The following CBR4 variants were observed in gnomAD, a reference collection of about 807,000 sequenced individuals.
CBR4 encodes 3-oxoacyl-[acyl-carrier-protein] reductase.
In CBR4, 22 loss-of-function variants were observed where a neutral mutation model predicts 21.0. That is an observed-to-expected ratio of 1.05 (90% CI 0.75 to 1.50). The LOEUF is 1.50. CBR4 is among the 40% of genes most tolerant of loss of function. The probability of loss-of-function intolerance (pLI) is 0.00; values close to 1 mark genes in which losing one functional copy is unlikely to be tolerated. For synonymous variants in CBR4, 100 were observed against 104.4 expected, an observed-to-expected ratio of 0.96 and a Z score of 0.26; for missense variants, 302 against 286.3, an observed-to-expected ratio of 1.05 and a Z score of -0.40.
At chr4:168,915,380 A>C (rs1759890167) in intron 2 of CBR4, among the ~76,000 whole-genome samples, 1 of 152,250 alleles carries the variant, frequency 6.6e-6, no homozygotes, top group Non-Finnish European at 1.5e-5. Flanking sequence ...TAAAGCAAAA[A>C]ATAATGCCTC....
intron 2 of CBR4, among the ~76,000 whole-genome samples, chr4:168,921,902 A>C (rs764205789): frequency 5.3e-5 from 8 of 152,118 alleles, no homozygotes; most frequent in Non-Finnish European, 8.8e-5. Context: ...GGCCTAGCAA[A>C]ACAGAAACAG....
chr4:168,932,110 G>T (rs1762986060), intron 2 of CBR4, among the ~76,000 whole-genome samples: 1 of 152,064 alleles, frequency 6.6e-6, no homozygotes, highest in Non-Finnish European at 1.5e-5. Flanking sequence ...AAGGAAATAT[G>T]TGAAATGCCA....
At chr4:168,906,361 C>T (rs1163229086) in intron 2 of CBR4, among the ~76,000 whole-genome samples, 1 of 152,132 alleles carries the variant, frequency 6.6e-6, no homozygotes, top group East Asian at 1.9e-4. Flanking sequence ...TGCATTTTTA[C>T]ATGTGGAAAA....
chr4:168,969,943 A>AT (rs1241092635), intron 2 of CBR4, among the ~76,000 whole-genome samples: 20 of 152,146 alleles, frequency 1.3e-4, no homozygotes, highest in African/African-American at 4.8e-4. Flanking sequence ...CAGACTTATT[A>AT]ATTTTTGCCA....
chr4:168,940,594 G>GA lies in CBR4; in HGVS notation n.170-45830dup, dbSNP rs149661531. Among the ~76,000 whole-genome samples the GA allele has an allele frequency of 5.1e-3, 754 of 147,014 alleles. 6 individuals are homozygous for GA. Among genetic ancestry groups the GA allele is most frequent in the Admixed American group, 5.9e-3 (88 of 14,794 alleles). ...ACAAAGAACTTAAACAAATTTACAAGAAAAAAAAAACATCAAAAAGTGGGT... is the reference window on the plus strand; with the variant it reads ...ACAAAGAACTTAAACAAATTTACAAGAAAAAAAAAAACATCAAAAAGTGGGT... On this transcript the variant is annotated intron_variant and non_coding_transcript_variant, in intron 2 of 3. Coordinates refer to the CBR4 transcript ENST00000509108.
intron 2 of CBR4, among the ~76,000 whole-genome samples, chr4:168,937,112 C>G (rs567936835): frequency 1.3e-5 from 2 of 152,266 alleles, no homozygotes; most frequent in East Asian, 3.9e-4. Context: ...CAGCAGATCT[C>G]TCTGCAGAAA....
chr4:168,931,101 G>A (rs1035209065), intron 2 of CBR4, among the ~76,000 whole-genome samples: 3 of 152,164 alleles, frequency 2.0e-5, no homozygotes, highest in Non-Finnish European at 2.9e-5. Context: ...CTGCACAGCA[G>A]GAAAACCAAC....
chr4:168,986,316 A>G (rs1764690613), downstream of CBR4, among the ~76,000 whole-genome samples: 2 of 152,180 alleles, frequency 1.3e-5, no homozygotes, highest in Non-Finnish European at 2.9e-5. Flanking sequence ...ATCCCCAAAG[A>G]TACTGAGGGC....
intron 2 of CBR4, among the ~76,000 whole-genome samples, chr4:168,897,008 T>C (rs1755342630): frequency 6.6e-6 from 1 of 152,112 alleles, no homozygotes; most frequent in South Asian, 2.1e-4. Flanking sequence ...ATTTTGTATT[T>C]TTAGCAGAGA....
chr4:168,949,980 T>C (rs1763495313), intron 2 of CBR4, among the ~76,000 whole-genome samples: 1 of 152,224 alleles, frequency 6.6e-6, no homozygotes, highest in Non-Finnish European at 1.5e-5. Context: ...TCGTTTCTTA[T>C]TGAGGTTATT....
chr4:168,944,397 G>C (rs1763346977), intron 2 of CBR4, among the ~76,000 whole-genome samples: 1 of 152,018 alleles, frequency 6.6e-6, no homozygotes, highest in South Asian at 2.1e-4. Flanking sequence ...AGGATTGCTT[G>C]AGCCCAGGAG....
Position 168,924,261 on chromosome 4 carries a change from A to C in CBR4, n.170-29496T>G, listed in dbSNP as rs1762154996. ...TCATCTCATGTTTTCTTAGCTAAAGAAGCACACAAACCCCCTGTGTTTATT... is the reference window on the plus strand; with the variant it reads ...TCATCTCATGTTTTCTTAGCTAAAGCAGCACACAAACCCCCTGTGTTTATT... On this transcript the variant is annotated intron_variant and non_coding_transcript_variant, in intron 2 of 3. Coordinates refer to the CBR4 transcript ENST00000509108. 2 of 1,613,780 alleles carry C rather than the reference A, an allele frequency of 1.2e-6. No individual in the cohort carries two copies. Among genetic ancestry groups the C allele is most frequent in the Non-Finnish European group, 1.7e-6 (2 of 1,179,716 alleles).
rs149397323 is a variant in CBR4, at chr4:168,896,825, T to G, written n.170-2060A>C. ...TATTTATTTATTTTTACTTTATGTA[T>G]TTATTTATTTATTTATTTATTTTGA... On this transcript the variant is annotated intron_variant and non_coding_transcript_variant, in intron 2 of 3. Coordinates refer to the CBR4 transcript ENST00000509108. Among the ~76,000 whole-genome samples the G allele has an allele frequency of 1.7e-3, 253 of 151,960 alleles. 2 individuals are homozygous for G. In the East Asian group the frequency reaches 0.036, roughly 22 times the overall value.
At chr4:168,947,497 CA>C (rs1217783897) in intron 2 of CBR4, among the ~76,000 whole-genome samples, 1 of 152,122 alleles carries the variant, frequency 6.6e-6, no homozygotes, top group Non-Finnish European at 1.5e-5. Context: ...CCGAGCAGTA[CA>C]CACTGCACCC....
intron 2 of CBR4, among the ~76,000 whole-genome samples, chr4:168,917,052 T>TGG (rs1760297822): frequency 6.8e-6 from 1 of 147,968 alleles, no homozygotes; most frequent in Non-Finnish European, 1.5e-5. Flanking sequence ...TTTTGGGGTT[T>TGG]TTTTTTTTTT....
At chr4:169,004,171 A>G (rs1730702036) in intron 3 of CBR4, among the ~76,000 whole-genome samples, 1 of 152,252 alleles carries the variant, frequency 6.6e-6, no homozygotes, top group Admixed American at 6.5e-5. Flanking sequence ...ATAAACATCA[A>G]GGCAAGACCC....
At chr4:168,902,195 A>G (rs1756665673) in intron 2 of CBR4, among the ~76,000 whole-genome samples, 1 of 152,260 alleles carries the variant, frequency 6.6e-6, no homozygotes, top group African/African-American at 2.4e-5. Flanking sequence ...ACCAATTTAC[A>G]TACTGATTTA....
rs755990688 is a variant in CBR4, at chr4:168,924,323, C to T, written n.170-29558G>A. 1.9e-6 allele frequency: 3 copies of T among 1,613,862 alleles called. No homozygotes were observed. Among genetic ancestry groups the T allele is most frequent in the Non-Finnish European group, 2.5e-6 (3 of 1,179,830 alleles). On this transcript the variant is annotated intron_variant and non_coding_transcript_variant, in intron 2 of 3. Coordinates refer to the CBR4 transcript ENST00000509108. ...AAACACAGGAGTTGCTGATGGGTACCCAGTGCGGCTGGAATGTCGTGTATT... is the reference window on the plus strand; with the variant it reads ...AAACACAGGAGTTGCTGATGGGTACTCAGTGCGGCTGGAATGTCGTGTATT...
Position 168,898,543 on chromosome 4 carries a change from C to T in CBR4, n.170-3778G>A. The T allele has an allele frequency of 6.2e-7, 1 of 1,613,906 alleles. No homozygotes were observed. The highest frequency in any genetic ancestry group is 8.5e-7 in the Non-Finnish European group (1 of 1,179,790). The stretch of plus-strand genomic sequence containing the variant: ...AGAGACTCATCAGTGAAATAGAGTA[C>T]AGGCTAGAAAGGTCTCCTGTGGATG... On this transcript the variant is annotated intron_variant and non_coding_transcript_variant, in intron 2 of 3. Transcript: ENST00000509108.
Sources: allele counts gnomAD v4.1 joint callset (sites outside exome capture counted in the v4.1 genomes callset), GRCh38; gene constraint gnomAD v4.1.1; transcripts MANE v1.5; gene names NCBI Gene and HGNC (gene_info 2026-07-23, HGNC 2026-07-21).